Variants in ABCB5 observed in about 807,000 individuals in gnomAD.
The protein encoded by ABCB5 is ATP binding cassette subfamily B member 5.
In ABCB5, 155 loss-of-function variants were observed where a neutral mutation model predicts 144.2. That is an observed-to-expected ratio of 1.08 (90% CI 0.94 to 1.23). ABCB5 has a LOEUF of 1.23. Ranked by LOEUF, ABCB5 falls within the 50% of genes most tolerant of loss-of-function variation. ABCB5 has a pLI of 0.00. For missense variants in ABCB5, 1,830 were observed against 1,520.8 expected, an observed-to-expected ratio of 1.20 and a Z score of -3.38; for synonymous variants, 610 against 528.6, an observed-to-expected ratio of 1.15 and a Z score of -2.11.
rs150460032 is a variant in ABCB5 at position 20,651,693 on chromosome 7, T to C, written c.1536+70T>C. 2.0e-6 allele frequency: 3 copies of C among 1,482,730 alleles called. No individual in the cohort carries two copies. In the African/African-American group the frequency reaches 4.1e-5, roughly 20 times the overall value. 91.8% of individuals were successfully genotyped at this position (1,482,730 alleles called of 1,614,324 possible). A position where few individuals can be genotyped will look rare whatever the true frequency, so the allele number is the denominator to read the frequency against. On this transcript the variant is annotated intron_variant, in intron 13 of 27. Coordinates refer to ENST00000404938, the MANE Select transcript of ABCB5 (RefSeq NM_001163941.2). Reference sequence around the variant, plus strand: ...GCTGCGACATTCCAATATAAGGTAATGAAACAACAACTGATGCAGAATAGT... The same window carrying C: ...GCTGCGACATTCCAATATAAGGTAACGAAACAACAACTGATGCAGAATAGT...
At chr7:20,660,529 G>C in intron 14 of ABCB5, 21 of 521,892 alleles carry the variant, frequency 4.0e-5, no homozygotes, top group South Asian at 8.6e-5. Flanking sequence ...GAAGGGGAGA[G>C]TTCAAATACA....
chr7:20,700,172 A>C, intron 19 of ABCB5, 37 bp downstream of exon 19: 1 of 1,486,724 alleles, frequency 6.7e-7, no homozygotes, highest in Non-Finnish European at 9.1e-7. Flanking sequence ...ATTTTATTTA[A>C]AATTTATTGT....
At chr7:20,649,614 C>T (rs2128025303) in intron 11 of ABCB5, among the ~76,000 whole-genome samples, 1 of 152,294 alleles carries the variant, frequency 6.6e-6, no homozygotes, top group South Asian at 2.1e-4. Flanking sequence ...TTAGAATATG[C>T]TTTGCAATTA....
chr7:20,667,170 C>T, intron 14 of ABCB5: 1 of 873,616 alleles, frequency 1.1e-6, no homozygotes, highest in South Asian at 5.4e-5. Context: ...TTGATGCACT[C>T]AGATACAAAT....
At chr7:20,661,409 TC>T (rs1270595481) in intron 14 of ABCB5, among the ~76,000 whole-genome samples, 2 of 152,194 alleles carry the variant, frequency 1.3e-5, no homozygotes, top group Non-Finnish European at 2.9e-5. Flanking sequence ...AACTGCAGCA[TC>T]CCCACCTCTA....
intron 26 of ABCB5, among the ~76,000 whole-genome samples, chr7:20,746,989 A>G (rs547652961): frequency 1.3e-5 from 2 of 152,126 alleles, no homozygotes; most frequent in African/African-American, 4.8e-5. Flanking sequence ...TAACTTTTAT[A>G]CTCTTTCCCT....
intron 14 of ABCB5, among the ~76,000 whole-genome samples, chr7:20,666,042 T>C (rs111800117): frequency 6.6e-6 from 1 of 151,968 alleles, no homozygotes; most frequent in African/African-American, 2.4e-5. Flanking sequence ...TGGTGGCACA[T>C]GCGTGCAATC....
intron 14 of ABCB5, among the ~76,000 whole-genome samples, chr7:20,668,595 G>GT (rs1366747771): frequency 6.7e-6 from 1 of 149,516 alleles, no homozygotes; most frequent in Non-Finnish European, 1.5e-5. Flanking sequence ...GGAGGTGGGG[G>GT]GGGGGGTCAG....
In ABCB5 at chr7:20,723,278, T is replaced by C. The variant is rs962990432; in HGVS notation, c.2625+59T>C. The C allele has an allele frequency of 5.1e-5, 77 of 1,509,282 alleles. No homozygotes were observed. The South Asian group carries it at 6.9e-4, about 14-fold the overall frequency. 93.5% of individuals were successfully genotyped at this position (1,509,282 alleles called of 1,614,324 possible). ...TTAAAGAGAAAAACAGTCAGAACTT[T>C]ATGATATGTTAACTATATGATGTGT... On this transcript the variant is annotated intron_variant, in intron 21 of 27. Transcript: ENST00000404938.
chr7:20,665,767 A>G (rs574325604), intron 14 of ABCB5, among the ~76,000 whole-genome samples: 1 of 88,162 alleles, frequency 1.1e-5, no homozygotes, highest in East Asian at 3.7e-4. Flanking sequence ...AGATAGATAG[A>G]GATACATACA....
chr7:20,689,390 C>G (rs1338619079), intron 16 of ABCB5, among the ~76,000 whole-genome samples: 1 of 152,162 alleles, frequency 6.6e-6, no homozygotes, highest in Admixed American at 6.5e-5. Context: ...TTCCACAGGA[C>G]GGTGCTGAGC....
chr7:20,621,809 G>A (rs1783811877), intron 1 of ABCB5, among the ~76,000 whole-genome samples: 1 of 152,138 alleles, frequency 6.6e-6, no homozygotes, highest in African/African-American at 2.4e-5. Context: ...AATATTTCTT[G>A]TGCAAATGTG....
chr7:20,699,453 C>G (rs1357597023), intron 17 of ABCB5, among the ~76,000 whole-genome samples: 1 of 152,192 alleles, frequency 6.6e-6, no homozygotes, highest in African/African-American at 2.4e-5. Context: ...GTAATCCCAG[C>G]ACTTTGGGAG....
intron 23 of ABCB5, among the ~76,000 whole-genome samples, chr7:20,732,763 T>A (rs76477074): frequency 2.0e-5 from 3 of 152,290 alleles, no homozygotes; most frequent in South Asian, 4.1e-4. Flanking sequence ...ATGTGTGGAA[T>A]TGAGAATTTA....
intron 16 of ABCB5, among the ~76,000 whole-genome samples, chr7:20,693,766 C>T (rs914145330): frequency 4.0e-5 from 6 of 150,616 alleles, no homozygotes; most frequent in Non-Finnish European, 8.9e-5. Flanking sequence ...ACTCACTGAG[C>T]AAGAAAAAAA....
At chr7:20,690,143 C>A (rs1330234031) in intron 16 of ABCB5, among the ~76,000 whole-genome samples, 3 of 152,120 alleles carry the variant, frequency 2.0e-5, no homozygotes, top group South Asian at 2.1e-4. Flanking sequence ...ACAACTTTTT[C>A]CCCCCATTAA....
chr7:20,724,444 A>G (rs924241783), intron 21 of ABCB5, among the ~76,000 whole-genome samples: 2 of 151,968 alleles, frequency 1.3e-5, no homozygotes, highest in African/African-American at 4.8e-5. Flanking sequence ...CCTGGCCAAC[A>G]TAATGAAACC....
In ABCB5 at chr7:20,668,223, GTC is replaced by G. The variant is rs1785280027; in HGVS notation, c.1707+9549_1707+9550del. Among the ~76,000 whole-genome samples, 7 of 147,294 alleles carry G rather than the reference GTC, an allele frequency of 4.8e-5. No individual in the cohort carries two copies. The South Asian group carries it at 1.6e-3, about 33-fold the overall frequency. On this transcript the variant is annotated intron_variant, in intron 14 of 27. Transcript: ENST00000404938. ...AGGAGCCTCTCTGCCTGGCTGCACA[GTC>G]TGGAAAGTGAGGAGCGTCTCTGCCC...
Position 20,698,554 on chromosome 7 carries a change from A to G in ABCB5, c.2154+4A>G. The stretch of plus-strand genomic sequence containing the variant: ...CATCTTTGCAAAAATTATAACCGTA[A>G]GTAAAATAAATTTGCTAATACTTTC... On this transcript the variant is annotated splice_donor_region_variant and intron_variant, in intron 17 of 27. Coordinates refer to ENST00000404938, the MANE Select transcript of ABCB5 (RefSeq NM_001163941.2). The G allele has an allele frequency of 6.3e-7, 1 of 1,586,488 alleles. No homozygotes were observed. The highest frequency in any genetic ancestry group is 8.5e-7 in the Non-Finnish European group (1 of 1,171,362).
Sources: gnomAD v4.1 joint callset for allele counts (sites outside exome capture counted in the v4.1 genomes callset) on GRCh38, gnomAD v4.1.1 for gene constraint, MANE v1.5 for transcripts, NCBI Gene and HGNC (gene_info 2026-07-23, HGNC 2026-07-21) for gene names.